Variants in SRC observed in about 807,000 individuals in gnomAD.
SRC encodes proto-oncogene tyrosine-protein kinase Src.
A neutral mutation model predicts 62.9 loss-of-function variants in SRC; 13 were observed. That is an observed-to-expected ratio of 0.21 (90% CI 0.13 to 0.33). The LOEUF is 0.33. Ranked by LOEUF, SRC falls within the 10% of genes least tolerant of loss-of-function variation. The pLI is 1.00. For synonymous variants in SRC, 302 were observed against 317.5 expected (o/e 0.95, Z 0.52); for missense variants, 457 against 737.3 (o/e 0.62, Z 4.40).
Position 37,384,108 on chromosome 20 carries a change from G to A in SRC, c.-4-42G>A, listed in dbSNP as rs2070407212. The A allele has an allele frequency of 1.3e-6, 2 of 1,588,154 alleles. No individual in the cohort carries two copies. The highest frequency in any genetic ancestry group is 8.5e-7 in the Non-Finnish European group (1 of 1,172,364). On this transcript the variant is annotated intron_variant, in intron 3 of 13. Transcript: ENST00000373578. This position sits in a 1 kb window ranked among gnomAD's most constrained non-coding sequence, Gnocchi z 6.7. ...GGAGGGAGGCCGGCCAAGGGGCCCC[G>A]GCAGCCCTGCCTGTTCCAGTGTCTT... is the stretch of plus-strand genomic sequence containing the variant.
chr20:37,365,319 AACACACACACACACACACACACACACAC>A (rs56153701), intron 2 of SRC, 42 bp downstream of exon 2: 5 of 130,866 alleles, frequency 3.8e-5, no homozygotes, highest in Admixed American at 1.6e-4. Flanking sequence ...AAAAGACATC[AACACACACACACACACACACACACACAC>A]ACACACACAC....
chr20:37,392,704 T>A (rs1264543333), intron 5 of SRC, among the ~76,000 whole-genome samples: 1 of 152,024 alleles, frequency 6.6e-6, no homozygotes, highest in East Asian at 2.0e-4. Flanking sequence ...AGCTGTACAG[T>A]GGGAATGAGA....
chr20:37,364,478 T>TGTGTCC, intron 1 of SRC, among the ~76,000 whole-genome samples: 1 of 152,280 alleles, frequency 6.6e-6, no homozygotes, highest in Non-Finnish European at 1.5e-5. Flanking sequence ...ATTTGGCCTC[T>TGTGTCC]GTGTCCACCC....
chr20:37,349,004 T>C (rs1204794271), intron 1 of SRC, among the ~76,000 whole-genome samples: 1 of 151,854 alleles, frequency 6.6e-6, no homozygotes, highest in Non-Finnish European at 1.5e-5. Flanking sequence ...AGAGGTAGAA[T>C]GAGGGGGTGT....
chr20:37,366,231 GA>G (rs1453696937), intron 2 of SRC, among the ~76,000 whole-genome samples: 1 of 152,150 alleles, frequency 6.6e-6, no homozygotes, highest in East Asian at 1.9e-4. Flanking sequence ...CTTTCAGAGA[GA>G]TTGTGCTGGT....
intron 5 of SRC, among the ~76,000 whole-genome samples, chr20:37,392,927 C>T (rs756069318): frequency 6.6e-6 from 1 of 152,138 alleles, no homozygotes; most frequent in Non-Finnish European, 1.5e-5. Context: ...CCTCTTCTCT[C>T]CTGTTGGGCT....
chr20:37,370,904 A>T (rs879694899), intron 2 of SRC, among the ~76,000 whole-genome samples: 5 of 152,122 alleles, frequency 3.3e-5, no homozygotes, highest in Non-Finnish European at 7.4e-5. Context: ...CTTCTGTGAG[A>T]AGATTTAAAA....
chr20:37,359,902 A>C (rs2069940555), intron 1 of SRC, among the ~76,000 whole-genome samples: 1 of 147,056 alleles, frequency 6.8e-6, no homozygotes, highest in Admixed American at 6.8e-5. Context: ...AGGGCCAAGC[A>C]TTTTTTTTTT....
At position 37,384,886 on chromosome 20, in the gene SRC, C is replaced by T. The variant is rs1382967801; in HGVS notation, c.250+483C>T. Reference sequence around the variant, plus strand: ...TGCTGGCGCTCTGCGGTCACCGCAGCCCCGGAGAGGGCCGTTTTGGAGAGC... The same window carrying T: ...TGCTGGCGCTCTGCGGTCACCGCAGTCCCGGAGAGGGCCGTTTTGGAGAGC... On this transcript the variant is annotated intron_variant, in intron 4 of 13. Coordinates refer to ENST00000373578, the MANE Select transcript of SRC (RefSeq NM_198291.3). This position sits in a 1 kb window ranked among gnomAD's most constrained non-coding sequence, Gnocchi z 6.7. Among the ~76,000 whole-genome samples the T allele has an allele frequency of 6.6e-6, 1 of 152,188 alleles. No homozygotes were observed. The highest frequency in any genetic ancestry group is 2.4e-5 in the African/African-American group (1 of 41,442).
At chr20:37,349,721 G>A (rs553773644) in intron 1 of SRC, among the ~76,000 whole-genome samples, 3 of 152,314 alleles carry the variant, frequency 2.0e-5, no homozygotes, top group South Asian at 4.1e-4. Context: ...GTGCCGGTTG[G>A]GGCAGGGCTG....
chr20:37,373,718 T>C (rs1000733826), intron 2 of SRC, among the ~76,000 whole-genome samples: 2 of 152,266 alleles, frequency 1.3e-5, no homozygotes, highest in Non-Finnish European at 2.9e-5. Flanking sequence ...TGTTTTCTGA[T>C]GGCAGATTGT....
intron 5 of SRC, among the ~76,000 whole-genome samples, chr20:37,387,663 C>G (rs1204654196): frequency 1.3e-5 from 2 of 152,218 alleles, no homozygotes; most frequent in Non-Finnish European, 2.9e-5. Flanking sequence ...TCTGCTTCCC[C>G]CCTAAACTGG....
intron 5 of SRC, among the ~76,000 whole-genome samples, chr20:37,387,041 G>A (rs1248197838): frequency 1.3e-5 from 2 of 152,258 alleles, no homozygotes; most frequent in Non-Finnish European, 2.9e-5. Context: ...TTGCGGGAGG[G>A]TGCCGGACTG....
chr20:37,352,333 G>A (rs1289672714), intron 1 of SRC, among the ~76,000 whole-genome samples: 1 of 152,374 alleles, frequency 6.6e-6, no homozygotes, highest in East Asian at 1.9e-4. Context: ...CTGGGCCTCT[G>A]CAGGCCAACT....
intron 3 of SRC, chr20:37,383,725 T>G: frequency 6.1e-6 from 1 of 164,848 alleles, no homozygotes. Flanking sequence ...GTCCCCCATT[T>G]TTTTCTTTTC....
In SRC at chr20:37,402,957, G is replaced by C; in HGVS notation, c.1402+77G>C. The C allele has an allele frequency of 3.9e-6, 6 of 1,528,544 alleles. No homozygotes were observed. The highest frequency in any genetic ancestry group is 4.2e-5 in the Admixed American group (2 of 48,084). 94.7% of individuals were successfully genotyped at this position (1,528,544 alleles called of 1,614,324 possible). ...TGGCCTTGGGCAAGTCATGACTCCT[G>C]CTGGGCCTGTTTCCCCACCCGTAAA... On this transcript the variant is annotated intron_variant, in intron 13 of 13. Transcript: ENST00000373578. This position sits in a 1 kb window ranked among gnomAD's most constrained non-coding sequence, Gnocchi z 6.2.
chr20:37,390,703 T>G (rs1257361155), intron 5 of SRC, among the ~76,000 whole-genome samples: 2 of 152,072 alleles, frequency 1.3e-5, no homozygotes, highest in African/African-American at 2.4e-5. Context: ...CCGTGCGCTG[T>G]CTGTTCTGGC....
intron 1 of SRC, among the ~76,000 whole-genome samples, chr20:37,346,741 C>T (rs1811778196): frequency 6.6e-6 from 1 of 152,204 alleles, no homozygotes; most frequent in African/African-American, 2.4e-5. Context: ...CTGCCAGGAC[C>T]TCCCTGCCCT....
At chr20:37,380,424 C>T (rs1260906981) in intron 2 of SRC, among the ~76,000 whole-genome samples, 1 of 152,126 alleles carries the variant, frequency 6.6e-6, no homozygotes, top group Non-Finnish European at 1.5e-5. Context: ...AAGATAAAGA[C>T]ATGATTAGTA....
Sources: allele counts gnomAD v4.1 joint callset (sites outside exome capture counted in the v4.1 genomes callset), GRCh38; gene constraint gnomAD v4.1.1; non-coding constraint Gnocchi (gnomAD v3.1); transcripts MANE v1.5; gene names NCBI Gene and HGNC (gene_info 2026-07-23, HGNC 2026-07-21).